The following CNTN5 variants were observed in gnomAD, a reference collection of about 807,000 sequenced individuals.
CNTN5 encodes the protein contactin-5.
A neutral mutation model predicts 129.1 loss-of-function variants in CNTN5; 77 were observed. The observed-to-expected ratio is 0.60, with a 90% CI of 0.50 to 0.72. CNTN5 has a LOEUF of 0.72. CNTN5 is among the 30% of genes least tolerant of loss of function. The pLI, the probability that CNTN5 is intolerant of heterozygous loss-of-function variation, is 0.00. For synonymous variants in CNTN5, 509 were observed against 465.6 expected, an observed-to-expected ratio of 1.09 and a Z score of -1.20; for missense variants, 1,478 against 1,328.8, an observed-to-expected ratio of 1.11 and a Z score of -1.75.
chr11:99,195,499 A>G (rs1858855653), intron 1 of CNTN5, among the ~76,000 whole-genome samples: 1 of 152,088 alleles, frequency 6.6e-6, no homozygotes, highest in Non-Finnish European at 1.5e-5. Flanking sequence ...ATTCCTGACA[A>G]GAGTAAGCAC....
chr11:100,023,659 A>G (rs949614395), intron 9 of CNTN5, among the ~76,000 whole-genome samples: 9 of 152,112 alleles, frequency 5.9e-5, no homozygotes, highest in African/African-American at 1.7e-4. Context: ...GGTTCCATCT[A>G]CCCATCTCTC....
intron 3 of CNTN5, among the ~76,000 whole-genome samples, chr11:99,619,733 A>T (rs1483861645): frequency 6.6e-6 from 1 of 152,154 alleles, no homozygotes. Flanking sequence ...GTGAAATACT[A>T]AGAAACAAAG....
chr11:99,752,718 A>G (rs1944274803), intron 3 of CNTN5, among the ~76,000 whole-genome samples: 1 of 152,222 alleles, frequency 6.6e-6, no homozygotes, highest in Non-Finnish European at 1.5e-5. Flanking sequence ...TAACCTCTAC[A>G]AACACAGGCC....
At chr11:99,263,252 C>G (rs557406522) in intron 1 of CNTN5, among the ~76,000 whole-genome samples, 1 of 152,076 alleles carries the variant, frequency 6.6e-6, no homozygotes, top group Non-Finnish European at 1.5e-5. Context: ...TGACACTACC[C>G]TGATCTTAGT....
intron 13 of CNTN5, among the ~76,000 whole-genome samples, chr11:100,085,152 G>A (rs534173196): frequency 1.5e-4 from 23 of 152,168 alleles, no homozygotes; most frequent in Middle Eastern, 3.4e-3. Flanking sequence ...AATTCTGTCT[G>A]GGTGTGGCGC....
chr11:99,203,203 G>A (rs1859302410), intron 1 of CNTN5, among the ~76,000 whole-genome samples: 1 of 152,084 alleles, frequency 6.6e-6, no homozygotes, highest in East Asian at 1.9e-4. Flanking sequence ...AGGACACTGA[G>A]GCTCACAGAG....
intron 3 of CNTN5, among the ~76,000 whole-genome samples, chr11:99,632,312 C>A (rs1951388693): frequency 6.6e-6 from 1 of 151,998 alleles, no homozygotes; most frequent in South Asian, 2.1e-4. Context: ...TGTAATAATG[C>A]AAGTATCTTT....
chr11:99,454,767 T>A (rs1944435250), intron 2 of CNTN5, among the ~76,000 whole-genome samples: 1 of 152,156 alleles, frequency 6.6e-6, no homozygotes, highest in African/African-American at 2.4e-5. Flanking sequence ...CCTGATAACA[T>A]TATAAATTTT....
At chr11:100,343,130 A>T (rs1481882326) in intron 23 of CNTN5, among the ~76,000 whole-genome samples, 3 of 152,198 alleles carry the variant, frequency 2.0e-5, no homozygotes, top group Non-Finnish European at 4.4e-5. Context: ...GATCGTTAAA[A>T]GTTGCCTGCC....
At chr11:99,476,308 T>C (rs1468959356) in intron 2 of CNTN5, among the ~76,000 whole-genome samples, 1 of 152,272 alleles carries the variant, frequency 6.6e-6, no homozygotes, top group East Asian at 1.9e-4. Flanking sequence ...ATTTAGAGCA[T>C]TCTTTGGCTC....
chr11:99,047,416 T>C (rs977209854), intron 1 of CNTN5, among the ~76,000 whole-genome samples: 2 of 150,614 alleles, frequency 1.3e-5, no homozygotes, highest in African/African-American at 4.9e-5. Context: ...TGTATGTGTA[T>C]GGCGTGTGTC....
chr11:100,171,171 C>A (rs562827150), intron 13 of CNTN5, among the ~76,000 whole-genome samples: 11 of 152,056 alleles, frequency 7.2e-5, no homozygotes, highest in Middle Eastern at 3.4e-3. Context: ...AAAATGAGTT[C>A]TTTTAATATT....
At chr11:99,313,162 GAATAGAAATCA>G (rs1366619583) in intron 1 of CNTN5, among the ~76,000 whole-genome samples, 3 of 149,482 alleles carry the variant, frequency 2.0e-5, no homozygotes, top group African/African-American at 7.4e-5. Context: ...TATATTCAAT[GAATAGAAATCA>G]AATAGAAATC....
chr11:99,764,817 C>G lies in CNTN5; in HGVS notation c.56-54727C>G, dbSNP rs1944698995. ...TATAGATCATCTCAACTTGGACTAT[C>G]CAGATTTCACGTGCCTAGTAAACGC... is the stretch of plus-strand genomic sequence containing the variant. On this transcript the variant is annotated intron_variant, in intron 3 of 24. Transcript: ENST00000524871. Among the ~76,000 whole-genome samples the G allele has an allele frequency of 2.6e-5, 4 of 152,130 alleles. No individual in the cohort carries two copies. In the South Asian group the frequency reaches 6.2e-4, roughly 24 times the overall value.
intron 1 of CNTN5, among the ~76,000 whole-genome samples, chr11:99,315,216 C>G (rs1865291469): frequency 1.4e-5 from 2 of 146,532 alleles, no homozygotes; most frequent in Admixed American, 1.4e-4. Context: ...GTTCACTGAA[C>G]TATCAGATAA....
chr11:99,830,181 G>A (rs1234605594), intron 4 of CNTN5, among the ~76,000 whole-genome samples: 2 of 152,078 alleles, frequency 1.3e-5, no homozygotes, highest in Non-Finnish European at 2.9e-5. Flanking sequence ...TGCTGTTTTT[G>A]ATGGCGGAAA....
intron 3 of CNTN5, among the ~76,000 whole-genome samples, chr11:99,583,994 T>A (rs1949707818): frequency 6.6e-6 from 1 of 152,166 alleles, no homozygotes. Context: ...TCATTGTGTT[T>A]ATTTATTATT....
intron 13 of CNTN5, among the ~76,000 whole-genome samples, chr11:100,128,503 A>G (rs1946269074): frequency 6.6e-6 from 1 of 152,128 alleles, no homozygotes; most frequent in Non-Finnish European, 1.5e-5. Context: ...GTGGCTAATC[A>G]ACTGATATTA....
chr11:100,033,167 G>T (rs920493945), intron 9 of CNTN5, among the ~76,000 whole-genome samples: 39 of 152,192 alleles, frequency 2.6e-4, no homozygotes, highest in African/African-American at 8.9e-4. Context: ...AATGTAATGA[G>T]CCCAGACGTG....
Sources: gnomAD v4.1 joint callset for allele counts (sites outside exome capture counted in the v4.1 genomes callset) on GRCh38, gnomAD v4.1.1 for gene constraint, MANE v1.5 for transcripts, NCBI Gene and HGNC (gene_info 2026-07-23, HGNC 2026-07-21) for gene names.